The following GPC6 variants were observed in gnomAD, a reference collection of about 807,000 sequenced individuals.
GPC6 encodes glypican 6, also known as glypican-6.
In GPC6, 14 loss-of-function variants were observed where a neutral mutation model predicts 55.2. The observed-to-expected ratio is 0.25, with a 90% CI of 0.17 to 0.40. The LOEUF is 0.40. Ranked by LOEUF, GPC6 falls within the 10% of genes least tolerant of loss-of-function variation. The probability of loss-of-function intolerance (pLI) is 1.00; values close to 1 mark genes in which losing one functional copy is unlikely to be tolerated. For synonymous variants in GPC6, 278 were observed against 259.6 expected, an observed-to-expected ratio of 1.07 and a Z score of -0.68; for missense variants, 641 against 708.5, an observed-to-expected ratio of 0.90 and a Z score of 1.08.
intron 2 of GPC6, among the ~76,000 whole-genome samples, chr13:93,815,234 C>T (rs562015392): frequency 1.3e-5 from 2 of 152,146 alleles, no homozygotes; most frequent in South Asian, 4.1e-4. Flanking sequence ...AAATATAAAA[C>T]ATCCACTAAA....
chr13:93,725,897 C>G (rs80219458), intron 2 of GPC6, among the ~76,000 whole-genome samples: 87 of 151,974 alleles, frequency 5.7e-4, no homozygotes, highest in African/African-American at 1.9e-3. Flanking sequence ...GATAATCTAG[C>G]AAGTCAGTAA....
intron 2 of GPC6, among the ~76,000 whole-genome samples, chr13:93,782,383 A>G (rs1309118508): frequency 6.6e-6 from 1 of 152,182 alleles, no homozygotes; most frequent in African/African-American, 2.4e-5. Context: ...AATAGTGCTG[A>G]AGTGAACATG....
chr13:93,547,567 G>A (rs1874882251), intron 2 of GPC6, among the ~76,000 whole-genome samples: 1 of 152,154 alleles, frequency 6.6e-6, no homozygotes, highest in Non-Finnish European at 1.5e-5. Flanking sequence ...AGGGTATGAT[G>A]TCAATCAGTT....
At chr13:93,356,025 C>T (rs1055587467) in intron 1 of GPC6, among the ~76,000 whole-genome samples, 1 of 152,008 alleles carries the variant, frequency 6.6e-6, no homozygotes. Context: ...TGAGGAAGAC[C>T]TGGTTTAAAG....
At chr13:93,959,895 T>G (rs2140381984) in intron 3 of GPC6, among the ~76,000 whole-genome samples, 1 of 152,348 alleles carries the variant, frequency 6.6e-6, no homozygotes. Context: ...GTGTCAAAGC[T>G]GGGGTTTAAT....
chr13:94,225,719 A>G (rs1426378226), intron 4 of GPC6, among the ~76,000 whole-genome samples: 2 of 151,822 alleles, frequency 1.3e-5, no homozygotes, highest in East Asian at 3.9e-4. Context: ...AGAAATACAC[A>G]TAAAACAAGA....
rs77031753 is a variant in GPC6 at position 94,128,889 on chromosome 13, C to T, written c.877+100995C>T. On this transcript the variant is annotated intron_variant, in intron 4 of 8. Transcript: ENST00000377047. ...ATGATCATTTATTTTAGATCCCATT[C>T]TTCCTCCATAACTACTTTTTTCCAC... 6.2e-3 allele frequency among the ~76,000 whole-genome samples: 945 copies of T among 152,236 alleles called. 16 individuals are homozygous for T. Among genetic ancestry groups the T allele is most frequent in the African/African-American group, 0.02 (849 of 41,556 alleles).
At chr13:94,076,309 G>T (rs1159632945) in intron 4 of GPC6, among the ~76,000 whole-genome samples, 1 of 151,616 alleles carries the variant, frequency 6.6e-6, no homozygotes. Context: ...TTTAAATAAG[G>T]TTATTTGTCT....
At chr13:94,358,286 CAAAAAA>C (rs572937217) in intron 6 of GPC6, among the ~76,000 whole-genome samples, 1 of 64,036 alleles carries the variant, frequency 1.6e-5, no homozygotes, top group Non-Finnish European at 3.3e-5. Context: ...AAGACTCCGT[CAAAAAA>C]AAAAAAAAAG....
chr13:94,266,639 C>T (rs1891828615), intron 4 of GPC6, among the ~76,000 whole-genome samples: 1 of 152,066 alleles, frequency 6.6e-6, no homozygotes, highest in South Asian at 2.1e-4. Flanking sequence ...TTTCCCTGCC[C>T]GGACTGACTT....
intron 1 of GPC6, among the ~76,000 whole-genome samples, chr13:93,452,319 T>G (rs902454017): frequency 6.6e-6 from 1 of 152,228 alleles, no homozygotes; most frequent in Non-Finnish European, 1.5e-5. Context: ...TATATTCACT[T>G]GTTCAGTTTG....
At chr13:93,359,891 A>G (rs1438625867) in intron 1 of GPC6, among the ~76,000 whole-genome samples, 1 of 152,222 alleles carries the variant, frequency 6.6e-6, no homozygotes, top group Non-Finnish European at 1.5e-5. Context: ...ATAATTAGGC[A>G]AAGAAAACAT....
intron 3 of GPC6, among the ~76,000 whole-genome samples, chr13:93,860,871 T>C (rs747437690): frequency 6.6e-6 from 1 of 151,682 alleles, no homozygotes; most frequent in African/African-American, 2.4e-5. Flanking sequence ...GCTCTCACTA[T>C]AGCAAAATGA....
chr13:93,440,375 A>C (rs780768994), intron 1 of GPC6, among the ~76,000 whole-genome samples: 13 of 152,174 alleles, frequency 8.5e-5, no homozygotes, highest in African/African-American at 3.1e-4. Context: ...GATGGTTTTC[A>C]TCTGTGGGTT....
intron 2 of GPC6, among the ~76,000 whole-genome samples, chr13:93,790,401 TAGAA>T (rs1253636820): frequency 6.6e-6 from 1 of 152,210 alleles, no homozygotes; most frequent in Non-Finnish European, 1.5e-5. Flanking sequence ...TATATTTAAA[TAGAA>T]AGACATAACT....
At chr13:93,952,757 CGT>C (rs1322080836) in intron 3 of GPC6, among the ~76,000 whole-genome samples, 10 of 147,322 alleles carry the variant, frequency 6.8e-5, no homozygotes, top group Non-Finnish European at 1.4e-4. Context: ...GTGCGTGTGA[CGT>C]GTGTGTGTGA....
intron 1 of GPC6, among the ~76,000 whole-genome samples, chr13:93,302,058 C>A (rs933927358): frequency 6.6e-6 from 1 of 152,130 alleles, no homozygotes; most frequent in Non-Finnish European, 1.5e-5. Flanking sequence ...AATTGGGTCA[C>A]TGTATATTTT....
At chr13:94,230,929 A>G (rs1043751375) in intron 4 of GPC6, among the ~76,000 whole-genome samples, 1 of 152,126 alleles carries the variant, frequency 6.6e-6, no homozygotes, top group African/African-American at 2.4e-5. Flanking sequence ...TCAGGTGAAG[A>G]GTCTGAAGCC....
chr13:93,306,576 A>C (rs1878864820), intron 1 of GPC6, among the ~76,000 whole-genome samples: 3 of 152,110 alleles, frequency 2.0e-5, no homozygotes, highest in African/African-American at 7.2e-5. Context: ...CAGAGGAAAA[A>C]ATGTTGCTAA....
Sources: allele counts gnomAD v4.1 joint callset (sites outside exome capture counted in the v4.1 genomes callset), GRCh38; gene constraint gnomAD v4.1.1; transcripts MANE v1.5; gene names NCBI Gene and HGNC (gene_info 2026-07-23, HGNC 2026-07-21).